The following SCHIP1 variants were observed in gnomAD, a reference collection of about 807,000 sequenced individuals.
The protein encoded by SCHIP1 is schwannomin-interacting protein 1.
A neutral mutation model predicts 29.7 loss-of-function variants in SCHIP1; 8 were observed. That is an observed-to-expected ratio of 0.27 (90% CI 0.16 to 0.49). SCHIP1 has a LOEUF of 0.49. Ranked by LOEUF, SCHIP1 falls within the 20% of genes least tolerant of loss-of-function variation. The pLI, the probability that SCHIP1 is intolerant of heterozygous loss-of-function variation, is 0.99. For synonymous variants in SCHIP1, 76 were observed against 94.9 expected, an observed-to-expected ratio of 0.80 and a Z score of 1.16; for missense variants, 193 against 294.6, an observed-to-expected ratio of 0.66 and a Z score of 2.52.
At chr3:159,526,444 C>T in the SCHIP1 span, among the ~76,000 whole-genome samples, 1 of 152,152 alleles carries the variant, frequency 6.6e-6, no homozygotes, top group Admixed American at 6.5e-5. Flanking sequence ...GTTGGGATTA[C>T]AGGAATGAGC....
the SCHIP1 span, among the ~76,000 whole-genome samples, chr3:159,349,010 T>C: frequency 9.2e-5 from 14 of 152,330 alleles, no homozygotes; most frequent in African/African-American, 3.1e-4. Context: ...AGAACATTAT[T>C]CATCTTGAAT....
chr3:159,777,838 A>G, the SCHIP1 span, among the ~76,000 whole-genome samples: 3 of 152,174 alleles, frequency 2.0e-5, no homozygotes, highest in Non-Finnish European at 4.4e-5. Context: ...TGTCGTACAT[A>G]ATACAGTGGA....
At chr3:159,856,174 G>A (rs1221993437) in intron 1 of SCHIP1, among the ~76,000 whole-genome samples, 1 of 152,156 alleles carries the variant, frequency 6.6e-6, no homozygotes, top group Non-Finnish European at 1.5e-5. Context: ...GTGGTATGCA[G>A]CATCTAAGTC....
intron 1 of SCHIP1, among the ~76,000 whole-genome samples, chr3:159,844,347 G>A (rs1445278877): frequency 1.3e-5 from 2 of 152,216 alleles, no homozygotes; most frequent in Non-Finnish European, 2.9e-5. Flanking sequence ...TTTGAACAAC[G>A]TAAACCAAGG....
chr3:159,492,940 C>T, the SCHIP1 span, among the ~76,000 whole-genome samples: 1 of 152,118 alleles, frequency 6.6e-6, no homozygotes, highest in African/African-American at 2.4e-5. Context: ...GATGGGGGAC[C>T]AATAGTCAAT....
the SCHIP1 span, among the ~76,000 whole-genome samples, chr3:159,651,521 T>A: frequency 6.6e-6 from 1 of 152,348 alleles, no homozygotes; most frequent in African/African-American, 2.4e-5. Flanking sequence ...ACTACCATTA[T>A]TACTAACAAT....
chr3:159,667,814 T>C, the SCHIP1 span, among the ~76,000 whole-genome samples: 2 of 152,246 alleles, frequency 1.3e-5, no homozygotes, highest in African/African-American at 4.8e-5. Context: ...CACATCCCAG[T>C]ACACAAGTAC....
chr3:159,341,632 G>A, the SCHIP1 span, among the ~76,000 whole-genome samples: 1 of 152,152 alleles, frequency 6.6e-6, no homozygotes, highest in Non-Finnish European at 1.5e-5. Flanking sequence ...CCTCTTCCCT[G>A]AAGGGTTTGC....
the SCHIP1 span, among the ~76,000 whole-genome samples, chr3:159,565,175 T>C: frequency 6.6e-6 from 1 of 152,172 alleles, no homozygotes; most frequent in South Asian, 2.1e-4. Flanking sequence ...GCTCAGCTCA[T>C]AGGTAGGGAG....
At chr3:159,625,563 T>C in the SCHIP1 span, among the ~76,000 whole-genome samples, 2 of 152,168 alleles carry the variant, frequency 1.3e-5, no homozygotes, top group Admixed American at 1.3e-4. Context: ...TACCTAATGT[T>C]GCACTAAATT....
the SCHIP1 span, among the ~76,000 whole-genome samples, chr3:159,318,609 C>G: frequency 6.6e-6 from 1 of 152,174 alleles, no homozygotes; most frequent in African/African-American, 2.4e-5. Flanking sequence ...CTTCCTCTGT[C>G]AATTGATAAT....
the SCHIP1 span, among the ~76,000 whole-genome samples, chr3:159,723,379 T>G: frequency 2.6e-5 from 4 of 152,216 alleles, no homozygotes; most frequent in African/African-American, 9.6e-5. Flanking sequence ...ATATATTTTT[T>G]GCAATGTTTC....
chr3:159,626,735 G>T, the SCHIP1 span, among the ~76,000 whole-genome samples: 2 of 152,150 alleles, frequency 1.3e-5, no homozygotes, highest in African/African-American at 2.4e-5. Flanking sequence ...ACAGGCTGTT[G>T]TGTGGTTTGT....
the SCHIP1 span, among the ~76,000 whole-genome samples, chr3:159,281,366 A>C: frequency 6.6e-6 from 1 of 152,236 alleles, no homozygotes; most frequent in Non-Finnish European, 1.5e-5. Flanking sequence ...TTATTTGGAC[A>C]AGAATTATTT....
intron 2 of SCHIP1, among the ~76,000 whole-genome samples, chr3:159,879,270 CT>C (rs893683133): frequency 1.3e-4 from 19 of 148,540 alleles, no homozygotes; most frequent in African/African-American, 2.0e-4. Flanking sequence ...TGCTTTCTTT[CT>C]TTTTTTTTTC....
At chr3:159,828,417 ACG>A in the SCHIP1 span, among the ~76,000 whole-genome samples, 17,706 of 92,956 alleles carry the variant, frequency 0.19, 3,257 homozygotes, top group East Asian at 0.56. Context: ...ACGTATATAT[ACG>A]TATATATATA....
chr3:159,713,232 GGAAGA>G, the SCHIP1 span, among the ~76,000 whole-genome samples: 1 of 99,354 alleles, frequency 1.0e-5, no homozygotes, highest in Admixed American at 1.0e-4. Context: ...GAGAAAGAAA[GGAAGA>G]AAGAAAGAAA....
the SCHIP1 span, among the ~76,000 whole-genome samples, chr3:159,522,807 T>G: frequency 6.6e-6 from 1 of 152,210 alleles, no homozygotes; most frequent in African/African-American, 2.4e-5. Flanking sequence ...AGGCGGAGCT[T>G]GCAGTGAGCC....
the SCHIP1 span, among the ~76,000 whole-genome samples, chr3:159,651,236 CA>C: frequency 6.6e-6 from 1 of 152,136 alleles, no homozygotes; most frequent in African/African-American, 2.4e-5. Context: ...GAGGAGGAAG[CA>C]AAACTTATGA....
Sources: allele counts gnomAD v4.1 joint callset (sites outside exome capture counted in the v4.1 genomes callset), GRCh38; gene constraint gnomAD v4.1.1; transcripts MANE v1.5; gene names NCBI Gene and HGNC (gene_info 2026-07-23, HGNC 2026-07-21).